Variants in CPQ observed in about 807,000 individuals in gnomAD.
CPQ encodes the protein Ser-Met dipeptidase.
A neutral mutation model predicts 45.7 loss-of-function variants in CPQ; 37 were observed. The observed-to-expected ratio is 0.81, with a 90% CI of 0.62 to 1.07. The LOEUF is 1.07. Among genes scored for constraint, CPQ ranks in the 50% least tolerant of loss-of-function variants. The probability of loss-of-function intolerance (pLI) is 0.00; values close to 1 mark genes in which losing one functional copy is unlikely to be tolerated. For missense variants in CPQ, 537 were observed against 572.9 expected (o/e 0.94, Z 0.64); for synonymous variants, 186 against 205.8 (o/e 0.90, Z 0.82).
intron 1 of CPQ, among the ~76,000 whole-genome samples, chr8:96,732,100 T>A (rs1422333854): frequency 6.6e-6 from 1 of 152,082 alleles, no homozygotes; most frequent in Non-Finnish European, 1.5e-5. Flanking sequence ...TAATATTGAG[T>A]AGAATACACA....
chr8:96,852,971 T>G (rs993424386), intron 3 of CPQ, among the ~76,000 whole-genome samples: 1 of 152,228 alleles, frequency 6.6e-6, no homozygotes, highest in African/African-American at 2.4e-5. Context: ...TTATGCTTAT[T>G]ACTACTGATG....
intron 5 of CPQ, among the ~76,000 whole-genome samples, chr8:97,003,651 T>C (rs1377695650): frequency 6.6e-6 from 1 of 152,146 alleles, no homozygotes; most frequent in African/African-American, 2.4e-5. Context: ...CCAAGTGAAT[T>C]TGATGACTGA....
chr8:97,122,884 CAATAAAATAA>C (rs1193951271), intron 7 of CPQ, among the ~76,000 whole-genome samples: 2,544 of 70,522 alleles, frequency 0.036, 315 homozygotes, highest in African/African-American at 0.078. Flanking sequence ...AACTCTGTCT[CAATAAAATAA>C]AATAAAATAA....
intron 5 of CPQ, among the ~76,000 whole-genome samples, chr8:96,977,720 G>A (rs1185556347): frequency 2.6e-5 from 4 of 152,166 alleles, no homozygotes; most frequent in Non-Finnish European, 2.9e-5. Context: ...AATTAACTCA[G>A]GAATGGAAAA....
intron 1 of CPQ, among the ~76,000 whole-genome samples, chr8:96,756,642 C>G (rs948770154): frequency 6.6e-6 from 1 of 152,122 alleles, no homozygotes; most frequent in African/African-American, 2.4e-5. Context: ...ATTATTCAGA[C>G]TATTGTCATG....
intron 5 of CPQ, among the ~76,000 whole-genome samples, chr8:96,971,873 TG>T (rs752100217): frequency 4.6e-5 from 7 of 152,184 alleles, no homozygotes; most frequent in Non-Finnish European, 1.0e-4. Context: ...AGGATTAAAA[TG>T]GCAGATAGGA....
At chr8:96,915,458 C>T (rs543867924) in intron 4 of CPQ, among the ~76,000 whole-genome samples, 53 of 152,260 alleles carry the variant, frequency 3.5e-4, no homozygotes, top group Admixed American at 9.8e-4. Context: ...ATAATATTTG[C>T]ATAAAAGGAA....
At chr8:96,942,028 GT>G (rs1813128877) in intron 4 of CPQ, among the ~76,000 whole-genome samples, 1 of 152,152 alleles carries the variant, frequency 6.6e-6, no homozygotes, top group Admixed American at 6.5e-5. Flanking sequence ...GAGCTGGAAT[GT>G]TTATCCTTAT....
At chr8:96,693,755 A>T (rs1228053431) in intron 1 of CPQ, among the ~76,000 whole-genome samples, 1 of 152,188 alleles carries the variant, frequency 6.6e-6, no homozygotes, top group Admixed American at 6.5e-5. Context: ...TTAATGAGGA[A>T]TAAGAAATCA....
rs539219147 is a variant in CPQ, at chr8:97,040,667, G to A, written c.1053+11173G>A. Among the ~76,000 whole-genome samples, 21 of 152,256 alleles carry A rather than the reference G, an allele frequency of 1.4e-4. 1 individual carries two copies. In the East Asian group the frequency reaches 4.0e-3, roughly 29 times the overall value. On this transcript the variant is annotated intron_variant, in intron 6 of 7. Coordinates refer to ENST00000220763, the MANE Select transcript of CPQ (RefSeq NM_016134.4). ...TCTTGAATTAATTTTTGTATAAGGT[G>A]TAAGGAAAGGATCCAGTTTCAGCTT...
At chr8:97,095,565 A>C (rs1811197893) in intron 7 of CPQ, among the ~76,000 whole-genome samples, 1 of 152,180 alleles carries the variant, frequency 6.6e-6, no homozygotes, top group African/African-American at 2.4e-5. Flanking sequence ...TTGGTATATA[A>C]AGGCCTACAT....
intron 4 of CPQ, among the ~76,000 whole-genome samples, chr8:96,908,747 GCACACACACACA>G (rs34425501): frequency 2.1e-5 from 3 of 140,916 alleles, no homozygotes; most frequent in Admixed American, 1.4e-4. Context: ...ATACACATGC[GCACACACACACA>G]CACACACACA....
At chr8:97,043,583 G>T (rs546475501) in intron 6 of CPQ, among the ~76,000 whole-genome samples, 1 of 152,122 alleles carries the variant, frequency 6.6e-6, no homozygotes, top group African/African-American at 2.4e-5. Context: ...TCCTAGCCTC[G>T]ATGGTCTTTA....
chr8:96,887,636 G>A (rs1326896850), intron 4 of CPQ, among the ~76,000 whole-genome samples: 7 of 152,106 alleles, frequency 4.6e-5, no homozygotes, highest in Admixed American at 4.6e-4. Flanking sequence ...TGACTCTTGG[G>A]GCTGGCCCAT....
At chr8:96,910,547 C>G (rs1260273528) in intron 4 of CPQ, among the ~76,000 whole-genome samples, 6 of 152,138 alleles carry the variant, frequency 3.9e-5, no homozygotes, top group African/African-American at 1.4e-4. Flanking sequence ...CTCTGTCGCC[C>G]AGGCTGGAGT....
rs200062362 is a variant in CPQ, at chr8:96,826,605, ATCTC to A, written c.434-8364_434-8361del. Among the ~76,000 whole-genome samples, 141 of 151,882 alleles carry A rather than the reference ATCTC, an allele frequency of 9.3e-4. 4 individuals are homozygous for A. The East Asian group carries it at 0.023, about 24-fold the overall frequency. ...GCCATTCTCCTGGCTGAGGGCAATG[ATCTC>A]TCTTTTTCTTTTTTCTTTTACTTTT... On this transcript the variant is annotated intron_variant, in intron 2 of 7. Transcript: ENST00000220763.
intron 7 of CPQ, among the ~76,000 whole-genome samples, chr8:97,066,916 CTTTTTTTTTTT>C (rs752150876): frequency 5.0e-5 from 3 of 60,358 alleles, no homozygotes; most frequent in East Asian, 6.2e-4. Context: ...CTGGAACAGT[CTTTTTTTTTTT>C]TTTTTTTTTT....
intron 4 of CPQ, among the ~76,000 whole-genome samples, chr8:96,925,927 A>T (rs762881480): frequency 2.0e-4 from 30 of 151,376 alleles, no homozygotes; most frequent in South Asian, 4.2e-4. Flanking sequence ...TGACCTCGTG[A>T]TCTGCCCGCC....
chr8:97,082,810 T>C (rs1810973787), intron 7 of CPQ, among the ~76,000 whole-genome samples: 1 of 152,196 alleles, frequency 6.6e-6, no homozygotes, highest in Non-Finnish European at 1.5e-5. Context: ...TGGTATTTCC[T>C]TACCCATACA....
Sources: allele counts gnomAD v4.1 joint callset (sites outside exome capture counted in the v4.1 genomes callset), GRCh38; gene constraint gnomAD v4.1.1; transcripts MANE v1.5; gene names NCBI Gene and HGNC (gene_info 2026-07-23, HGNC 2026-07-21).